Variants in SLC25A26 observed in about 807,000 individuals in gnomAD.
SLC25A26 encodes the protein solute carrier family 25 member 26.
In SLC25A26, 36 loss-of-function variants were observed where a neutral mutation model predicts 37.8. That is an observed-to-expected ratio of 0.95 (90% CI 0.73 to 1.26). SLC25A26 has a LOEUF of 1.26. SLC25A26 is among the 50% of genes most tolerant of loss of function. SLC25A26 has a pLI of 0.00. For missense variants in SLC25A26, 390 were observed against 331.1 expected (o/e 1.18, Z -1.38); for synonymous variants, 129 against 122.5 (o/e 1.05, Z -0.35).
chr3:66,221,605 T>A (rs1347557138), intron 1 of SLC25A26, among the ~76,000 whole-genome samples: 1 of 151,974 alleles, frequency 6.6e-6, no homozygotes, highest in East Asian at 1.9e-4. Flanking sequence ...ATACATAATC[T>A]GCTATTTCTG....
intron 6 of SLC25A26, among the ~76,000 whole-genome samples, chr3:66,360,881 T>A (rs2076691249): frequency 6.6e-6 from 1 of 152,210 alleles, no homozygotes; most frequent in Non-Finnish European, 1.5e-5. Context: ...AGCAGGTTAT[T>A]TCGTAGGAAT....
chr3:66,213,271 A>G (rs1415879556), intron 1 of SLC25A26, among the ~76,000 whole-genome samples: 1 of 151,882 alleles, frequency 6.6e-6, no homozygotes, highest in Non-Finnish European at 1.5e-5. Flanking sequence ...GTGGTAGCCC[A>G]TACCTGTAAT....
intron 5 of SLC25A26, among the ~76,000 whole-genome samples, chr3:66,273,599 T>A (rs1038225127): frequency 1.3e-5 from 2 of 152,150 alleles, no homozygotes; most frequent in African/African-American, 4.8e-5. Context: ...AGCATTCTTA[T>A]ACACCAATAA....
chr3:66,363,385 G>A (rs1381175823), intron 7 of SLC25A26, among the ~76,000 whole-genome samples: 5 of 152,048 alleles, frequency 3.3e-5, no homozygotes, highest in African/African-American at 1.2e-4. Context: ...GAGAGCAGAG[G>A]CTCCTCCATA....
intron 5 of SLC25A26, among the ~76,000 whole-genome samples, chr3:66,329,583 G>T (rs114108233): frequency 0.012 from 1,786 of 152,078 alleles, 40 homozygotes; most frequent in African/African-American, 0.041. Flanking sequence ...AGTTTTAAAA[G>T]AAATTTTTCT....
At chr3:66,146,032 AT>A (rs1253324355) in intron 1 of SLC25A26, among the ~76,000 whole-genome samples, 4 of 152,142 alleles carry the variant, frequency 2.6e-5, no homozygotes, top group Admixed American at 6.6e-5. Context: ...ATTTTTGAGA[AT>A]TTTCCGTTTA....
chr3:66,303,258 A>G (rs1040897953), intron 5 of SLC25A26, among the ~76,000 whole-genome samples: 2 of 152,044 alleles, frequency 1.3e-5, no homozygotes, highest in Non-Finnish European at 2.9e-5. Context: ...CAGAGAGGAG[A>G]TATACTTCTC....
chr3:66,214,024 A>G (rs2071323980), intron 1 of SLC25A26, among the ~76,000 whole-genome samples: 1 of 152,184 alleles, frequency 6.6e-6, no homozygotes, highest in East Asian at 1.9e-4. Context: ...ATCCCCAGAA[A>G]TGTCAGAGTT....
At chr3:66,216,527 TAAAC>T (rs1290095709), upstream of SLC25A26, among the ~76,000 whole-genome samples, 1 of 150,768 alleles carries the variant, frequency 6.6e-6, no homozygotes. Context: ...AACAAACAAA[TAAAC>T]AAAAAACAAC....
intron 1 of SLC25A26, among the ~76,000 whole-genome samples, chr3:66,184,598 G>GTTTACTATGTATTACATGCTCACCTTGAA (rs2070784506): frequency 6.6e-6 from 1 of 152,266 alleles, no homozygotes; most frequent in African/African-American, 2.4e-5. Flanking sequence ...CTCACCTTGA[G>GTTTACTATGTATTACATGCTCACCTTGAA]TTTACTATGT....
chr3:66,294,532 G>C (rs888889020), intron 5 of SLC25A26, among the ~76,000 whole-genome samples: 1 of 152,142 alleles, frequency 6.6e-6, no homozygotes, highest in African/African-American at 2.4e-5. Context: ...TAATCATGTA[G>C]TATTTGTTTA....
At chr3:66,185,540 C>T (rs913466677) in intron 1 of SLC25A26, among the ~76,000 whole-genome samples, 27 of 152,228 alleles carry the variant, frequency 1.8e-4, no homozygotes, top group African/African-American at 5.8e-4. Flanking sequence ...TCCATAGCGG[C>T]TGTGACCCTA....
intron 1 of SLC25A26, among the ~76,000 whole-genome samples, chr3:66,150,904 T>C (rs1225696982): frequency 6.6e-6 from 1 of 151,850 alleles, no homozygotes; most frequent in African/African-American, 2.4e-5. Context: ...GCTCCTACTG[T>C]CTTTCCTTTG....
chr3:66,159,508 A>G (rs2070327909), intron 1 of SLC25A26, among the ~76,000 whole-genome samples: 1 of 152,198 alleles, frequency 6.6e-6, no homozygotes, highest in African/African-American at 2.4e-5. Flanking sequence ...GTCCATTAGC[A>G]TGAGGGCCTT....
At chr3:66,209,586 CAT>C (rs1227543645) in intron 1 of SLC25A26, among the ~76,000 whole-genome samples, 5 of 133,514 alleles carry the variant, frequency 3.7e-5, no homozygotes, top group African/African-American at 5.4e-5. Context: ...AAAGTATAGG[CAT>C]ATATATATAA....
At chr3:66,212,017 C>T (rs995440642) in intron 1 of SLC25A26, among the ~76,000 whole-genome samples, 19 of 152,236 alleles carry the variant, frequency 1.2e-4, no homozygotes, top group African/African-American at 4.1e-4. Flanking sequence ...TGAACCGAAC[C>T]GCAGTCCAAA....
At chr3:66,350,401 C>T (rs2076421988) in intron 6 of SLC25A26, among the ~76,000 whole-genome samples, 1 of 152,126 alleles carries the variant, frequency 6.6e-6, no homozygotes, top group African/African-American at 2.4e-5. Flanking sequence ...TCCCTTCTTG[C>T]TCTTTCTCTA....
intron 5 of SLC25A26, among the ~76,000 whole-genome samples, chr3:66,292,874 G>T (rs1264915519): frequency 6.6e-6 from 1 of 152,180 alleles, no homozygotes; most frequent in Non-Finnish European, 1.5e-5. Flanking sequence ...ATATCCTGCA[G>T]AGTATTTTCC....
Position 66,293,690 on chromosome 3 carries a change from A to G in SLC25A26, c.453+30311A>G, listed in dbSNP as rs192590315. ...TTTGCAAAGGATAATGGCCTCTAGC[A>G]TCATCCATATTCCTGCAAAGGAAGT... On this transcript the variant is annotated intron_variant, in intron 5 of 9. Coordinates refer to ENST00000354883, the MANE Select transcript of SLC25A26 (RefSeq NM_001379210.1). Among the ~76,000 whole-genome samples the G allele has an allele frequency of 3.3e-5, 5 of 152,314 alleles. No individual in the cohort carries two copies. In the East Asian group the frequency reaches 9.6e-4, roughly 29 times the overall value.
Sources: gnomAD v4.1 joint callset for allele counts (sites outside exome capture counted in the v4.1 genomes callset) on GRCh38, gnomAD v4.1.1 for gene constraint, MANE v1.5 for transcripts, NCBI Gene and HGNC (gene_info 2026-07-23, HGNC 2026-07-21) for gene names.